Variants in IGSF21 observed in about 807,000 individuals in gnomAD.
IGSF21 encodes the protein immunoglobulin superfamily member 21.
IGSF21 carries 28 observed loss-of-function variants against 46.8 expected under a neutral mutation model. The ratio of observed to expected loss-of-function variants is 0.60; its 90% confidence interval spans 0.44 to 0.82. The LOEUF is 0.82. Among genes scored for constraint, IGSF21 ranks in the 40% least tolerant of loss-of-function variants. IGSF21 has a pLI of 0.00. For missense variants in IGSF21, 624 were observed against 665.5 expected (o/e 0.94, Z 0.69); for synonymous variants, 284 against 273.6 (o/e 1.04, Z -0.38).
At chr1:18,166,185 A>C (rs1391187925) in intron 1 of IGSF21, among the ~76,000 whole-genome samples, 1 of 152,156 alleles carries the variant, frequency 6.6e-6, no homozygotes, top group Admixed American at 6.5e-5. Context: ...AGTCCCACAT[A>C]TCTTTTTTTC....
intron 4 of IGSF21, among the ~76,000 whole-genome samples, chr1:18,336,010 C>T (rs2085762536): frequency 6.6e-6 from 1 of 152,160 alleles, no homozygotes; most frequent in Non-Finnish European, 1.5e-5. Flanking sequence ...CTGGGTTGGC[C>T]ACACCAGGGA....
At chr1:18,208,640 G>A (rs1474546249) in intron 1 of IGSF21, among the ~76,000 whole-genome samples, 13 of 140,624 alleles carry the variant, frequency 9.2e-5, no homozygotes, top group Non-Finnish European at 1.5e-4. Context: ...CTCGTTATCC[G>A]CCCGCCTCGG....
chr1:18,200,534 C>T (rs944677515), intron 1 of IGSF21, among the ~76,000 whole-genome samples: 2 of 152,166 alleles, frequency 1.3e-5, no homozygotes, highest in African/African-American at 2.4e-5. Context: ...GCCTGCATCC[C>T]TCCGGTCTCT....
At chr1:18,361,242 T>G (rs2086096941) in intron 4 of IGSF21, 1 of 152,216 alleles carries the variant, frequency 6.6e-6, no homozygotes, top group South Asian at 2.1e-4. Flanking sequence ...AAACCTTCAG[T>G]GGCTCCCCAT....
intron 3 of IGSF21, among the ~76,000 whole-genome samples, chr1:18,318,097 TA>T (rs1338516721): frequency 6.6e-6 from 1 of 152,178 alleles, no homozygotes; most frequent in Non-Finnish European, 1.5e-5. Flanking sequence ...AGCCAGCAGG[TA>T]GTCATGGTGA....
intron 2 of IGSF21, among the ~76,000 whole-genome samples, chr1:18,258,650 C>T (rs1233288071): frequency 6.6e-6 from 1 of 152,184 alleles, no homozygotes; most frequent in Non-Finnish European, 1.5e-5. Flanking sequence ...GAGCTCAGAC[C>T]TGCATTCAAA....
intron 4 of IGSF21, among the ~76,000 whole-genome samples, chr1:18,346,439 A>C (rs2085893982): frequency 6.6e-6 from 1 of 152,158 alleles, no homozygotes. Flanking sequence ...TGCTGGCATC[A>C]TTGTTAGGAC....
intron 1 of IGSF21, among the ~76,000 whole-genome samples, chr1:18,174,586 A>G (rs912415565): frequency 1.3e-5 from 2 of 152,048 alleles, no homozygotes; most frequent in African/African-American, 4.8e-5. Context: ...CAAGCGTGCC[A>G]CCCGACTTCC....
chr1:18,108,987 T>TGA (rs1222520588), intron 1 of IGSF21, among the ~76,000 whole-genome samples: 1 of 146,340 alleles, frequency 6.8e-6, no homozygotes, highest in Non-Finnish European at 1.5e-5. Context: ...AGCAGCTCAG[T>TGA]GTGTGTGTGT....
chr1:18,236,986 TAA>T (rs1165799275), intron 2 of IGSF21, among the ~76,000 whole-genome samples: 1 of 152,186 alleles, frequency 6.6e-6, no homozygotes, highest in Non-Finnish European at 1.5e-5. Flanking sequence ...TTTTGTCTAG[TAA>T]AGAGTTTTGA....
chr1:18,229,257 G>C (rs2084600337), intron 2 of IGSF21, among the ~76,000 whole-genome samples: 1 of 152,194 alleles, frequency 6.6e-6, no homozygotes, highest in African/African-American at 2.4e-5. Context: ...GCACCAAACT[G>C]TGATTCAAGA....
At chr1:18,256,213 C>T (rs2084891003) in intron 2 of IGSF21, among the ~76,000 whole-genome samples, 1 of 152,198 alleles carries the variant, frequency 6.6e-6, no homozygotes, top group Admixed American at 6.5e-5. Context: ...TAGGGTAATT[C>T]CTACCCCCCT....
At chr1:18,152,059 C>T (rs574998960) in intron 1 of IGSF21, among the ~76,000 whole-genome samples, 1 of 152,326 alleles carries the variant, frequency 6.6e-6, no homozygotes, top group Admixed American at 6.5e-5. Context: ...AGGACAGGGA[C>T]CTTTCTCCCT....
intron 2 of IGSF21, among the ~76,000 whole-genome samples, chr1:18,244,378 A>G (rs1057100958): frequency 6.6e-5 from 10 of 152,074 alleles, no homozygotes; most frequent in African/African-American, 2.4e-4. Context: ...GATCCCACCT[A>G]GGTGTTGGGC....
At chr1:18,119,978 G>C (rs1322609971) in intron 1 of IGSF21, among the ~76,000 whole-genome samples, 1 of 152,236 alleles carries the variant, frequency 6.6e-6, no homozygotes, top group African/African-American at 2.4e-5. Flanking sequence ...GTGAATGTCT[G>C]CAGTTAGAAA....
chr1:18,282,207 C>T (rs2124556816), intron 2 of IGSF21, among the ~76,000 whole-genome samples: 1 of 152,246 alleles, frequency 6.6e-6, no homozygotes, highest in Non-Finnish European at 1.5e-5. Context: ...TTCCTGACCC[C>T]TGTGTCCAAA....
intron 4 of IGSF21, among the ~76,000 whole-genome samples, chr1:18,357,285 T>G (rs1569868200): frequency 7.5e-6 from 1 of 133,578 alleles, no homozygotes; most frequent in Non-Finnish European, 1.6e-5. Flanking sequence ...GAGATGGAGA[T>G]GAAGATGGAG....
At chr1:18,341,500 C>T (rs529990555) in intron 4 of IGSF21, among the ~76,000 whole-genome samples, 2 of 152,208 alleles carry the variant, frequency 1.3e-5, no homozygotes, top group Non-Finnish European at 2.9e-5. Context: ...AGCTGACACT[C>T]TCTGCTCCCA....
intron 4 of IGSF21, among the ~76,000 whole-genome samples, chr1:18,359,383 A>AATGGAAGGAAGGAAGGAAGGAAGG (rs2086064838): frequency 3.3e-5 from 2 of 61,030 alleles, no homozygotes; most frequent in African/African-American, 1.3e-4. Context: ...AGAAAGAAAG[A>AATGGAAGGAAGGAAGGAAGGAAGG]AAGGAAGGAA....
Sources: gnomAD v4.1 joint callset for allele counts (sites outside exome capture counted in the v4.1 genomes callset) on GRCh38, gnomAD v4.1.1 for gene constraint, MANE v1.5 for transcripts, NCBI Gene and HGNC (gene_info 2026-07-23, HGNC 2026-07-21) for gene names.